Variants in PCDH9 observed in about 807,000 individuals in gnomAD.
The protein encoded by PCDH9 is protocadherin 9, also known as protocadherin-9.
In PCDH9, 24 loss-of-function variants were observed where a neutral mutation model predicts 70.6. The observed-to-expected ratio is 0.34, with a 90% CI of 0.25 to 0.48. The LOEUF is 0.48. Ranked by LOEUF, PCDH9 falls within the 20% of genes least tolerant of loss-of-function variation. The pLI is 0.99. For missense variants in PCDH9, 1,281 were observed against 1,503.6 expected, an observed-to-expected ratio of 0.85 and a Z score of 2.45; for synonymous variants, 562 against 558.5, an observed-to-expected ratio of 1.01 and a Z score of -0.09.
At chr13:66,729,177 C>T (rs1336207437) in intron 3 of PCDH9, among the ~76,000 whole-genome samples, 2 of 152,082 alleles carry the variant, frequency 1.3e-5, no homozygotes, top group Non-Finnish European at 2.9e-5. Flanking sequence ...TGTTCCTCTT[C>T]TTGTGTTTCT....
chr13:66,701,374 T>C (rs893143041), intron 3 of PCDH9, among the ~76,000 whole-genome samples: 1 of 152,100 alleles, frequency 6.6e-6, no homozygotes, highest in African/African-American at 2.4e-5. Flanking sequence ...TACCAGTGTA[T>C]GTGTAAATAT....
chr13:66,945,303 T>C (rs1320387552), intron 2 of PCDH9, among the ~76,000 whole-genome samples: 2 of 152,050 alleles, frequency 1.3e-5, no homozygotes, highest in Non-Finnish European at 2.9e-5. Context: ...GTTCTTTCTG[T>C]AGTGAGGCAT....
chr13:67,217,511 A>T (rs1299885597), intron 2 of PCDH9: 1 of 152,150 alleles, frequency 6.6e-6, no homozygotes, highest in Non-Finnish European at 1.5e-5. Context: ...GACATTAAGT[A>T]TTAAAGAACT....
At chr13:66,345,550 C>T (rs972699183) in intron 4 of PCDH9, among the ~76,000 whole-genome samples, 6 of 152,054 alleles carry the variant, frequency 3.9e-5, no homozygotes, top group African/African-American at 7.2e-5. Context: ...GCAACGAGGC[C>T]CTTCAAGATG....
intron 4 of PCDH9, among the ~76,000 whole-genome samples, chr13:66,630,186 T>C (rs2077551782): frequency 6.6e-6 from 1 of 152,058 alleles, no homozygotes; most frequent in Admixed American, 6.6e-5. Context: ...TTTAGATGCA[T>C]TATTATAATT....
At chr13:66,962,069 CA>C (rs200736545) in intron 2 of PCDH9, among the ~76,000 whole-genome samples, 13 of 131,848 alleles carry the variant, frequency 9.9e-5, no homozygotes, top group Admixed American at 1.5e-4. Context: ...AAAAACAAAA[CA>C]AAAAAAAAAG....
At chr13:66,324,146 C>T (rs1017809788) in intron 4 of PCDH9, among the ~76,000 whole-genome samples, 1 of 151,970 alleles carries the variant, frequency 6.6e-6, no homozygotes, top group Non-Finnish European at 1.5e-5. Flanking sequence ...GAGCAGAGTA[C>T]TGTAGACCAA....
chr13:67,225,091 T>C, intron 2 of PCDH9: 5 of 1,204,120 alleles, frequency 4.2e-6, no homozygotes, highest in Non-Finnish European at 5.2e-6. Context: ...GGAGCAGAAT[T>C]TGGCATATCA....
chr13:66,674,595 A>G (rs913512903), intron 3 of PCDH9, among the ~76,000 whole-genome samples: 2 of 152,098 alleles, frequency 1.3e-5, no homozygotes, highest in African/African-American at 4.8e-5. Context: ...TTGAAATAAG[A>G]ACTTTTCACT....
intron 2 of PCDH9, among the ~76,000 whole-genome samples, chr13:67,183,300 G>A (rs974236955): frequency 1.3e-5 from 2 of 152,120 alleles, no homozygotes; most frequent in South Asian, 2.1e-4. Flanking sequence ...AACTAAGCAT[G>A]TGAAGTGGAA....
At position 67,228,175 on chromosome 13, in the gene PCDH9, G is replaced by C. The variant is rs2089927519; in HGVS notation, c.266C>G (p.Ser89Cys). 6.2e-7 allele frequency: 1 copy of C among 1,613,526 alleles called. No individual in the cohort carries two copies. The highest frequency in any genetic ancestry group is 1.1e-5 in the South Asian group (1 of 90,964). ...SSSTGEIFTT[S>C]NRIDREKLCA... Reference sequence around the variant, plus strand: ...GAGTTTTTCTCTGTCTATTCTGTTGGAGGTTGTGAAAATTTCCCCAGTGCT... The same window carrying C: ...GAGTTTTTCTCTGTCTATTCTGTTGCAGGTTGTGAAAATTTCCCCAGTGCT... Residue 89 changes from serine to cysteine, a missense_variant, in exon 2 of 5, where the codon TCC becomes TGC. Physicochemically the swap from Ser to Cys is moderately radical, Grantham distance 112. Coordinates refer to ENST00000377865, the MANE Select transcript of PCDH9 (RefSeq NM_203487.3).
At chr13:66,945,184 T>C (rs2083069165) in intron 2 of PCDH9, among the ~76,000 whole-genome samples, 1 of 149,630 alleles carries the variant, frequency 6.7e-6, no homozygotes, top group Admixed American at 6.7e-5. Context: ...GCTTTTACCA[T>C]CTGAGACTTA....
intron 3 of PCDH9, among the ~76,000 whole-genome samples, chr13:66,723,185 C>A (rs975352165): frequency 1.3e-5 from 2 of 151,940 alleles, no homozygotes; most frequent in Non-Finnish European, 2.9e-5. Flanking sequence ...GTACCTCATT[C>A]TTTATTTGCC....
chr13:66,641,402 T>C (rs1239610033), intron 3 of PCDH9, among the ~76,000 whole-genome samples: 1 of 152,174 alleles, frequency 6.6e-6, no homozygotes, highest in Non-Finnish European at 1.5e-5. Flanking sequence ...GATTAATTTG[T>C]ATGGAGAAAG....
Position 67,226,506 on chromosome 13 carries a change from G to T in PCDH9, c.1935C>A (p.Val645=). ...REQQSSYTFD[V]KATDGGQPPR... ...GTGGTTGTCCTCCATCAGTGGCTTT[G>T]ACATCAAAAGTGTAGGAACTCTGCT... Residue 645 remains valine, a synonymous_variant, in exon 2 of 5, where the codon GTC becomes GTA. Coordinates refer to ENST00000377865, the MANE Select transcript of PCDH9 (RefSeq NM_203487.3). This position sits in a 1 kb window ranked among gnomAD's most constrained non-coding sequence, Gnocchi z 5.0. 1 of 1,614,040 alleles carries T rather than the reference G, an allele frequency of 6.2e-7. No individual in the cohort carries two copies. The highest frequency in any genetic ancestry group is 1.1e-5 in the South Asian group (1 of 91,056).
At chr13:67,076,999 G>A (rs551328979) in intron 2 of PCDH9, among the ~76,000 whole-genome samples, 1 of 152,196 alleles carries the variant, frequency 6.6e-6, no homozygotes, top group East Asian at 1.9e-4. Context: ...AACATCTTCT[G>A]CCTAGTATTG....
At chr13:67,211,632 A>T (rs1197098262) in intron 2 of PCDH9, 1 of 152,112 alleles carries the variant, frequency 6.6e-6, no homozygotes, top group African/African-American at 2.4e-5. Context: ...TGATGAAAGA[A>T]AACTAAATTT....
chr13:66,327,877 A>G (rs1317986584), intron 4 of PCDH9, among the ~76,000 whole-genome samples: 1 of 152,144 alleles, frequency 6.6e-6, no homozygotes, highest in Non-Finnish European at 1.5e-5. Flanking sequence ...AGCTGTGAAA[A>G]CTAGAATGAA....
At chr13:67,210,977 C>A (rs574577148) in intron 2 of PCDH9, 2 of 152,058 alleles carry the variant, frequency 1.3e-5, no homozygotes, top group African/African-American at 4.8e-5. Flanking sequence ...ACAGACAGAG[C>A]AACTATCATG....
Sources: allele counts gnomAD v4.1 joint callset (sites outside exome capture counted in the v4.1 genomes callset), GRCh38; gene constraint gnomAD v4.1.1; non-coding constraint Gnocchi (gnomAD v3.1); transcripts MANE v1.5; gene names NCBI Gene and HGNC (gene_info 2026-07-23, HGNC 2026-07-21).